SLC33A1: variants seen among roughly 807,000 people sequenced by gnomAD.
The protein encoded by SLC33A1 is acetyl-coenzyme A transporter 1.
In SLC33A1, 20 loss-of-function variants were observed where a neutral mutation model predicts 50.0. That is an observed-to-expected ratio of 0.40 (90% CI 0.28 to 0.58). SLC33A1 has a LOEUF of 0.58. Ranked by LOEUF, SLC33A1 falls within the 20% of genes least tolerant of loss-of-function variation. The probability of loss-of-function intolerance (pLI) is 0.44; values close to 1 mark genes in which losing one functional copy is unlikely to be tolerated. For synonymous variants in SLC33A1, 265 were observed against 251.8 expected (o/e 1.05, Z -0.50); for missense variants, 476 against 657.0 (o/e 0.72, Z 3.01).
chr3:155,854,180 T>A lies in SLC33A1; in HGVS notation c.-183A>T, dbSNP rs1753533928. 2.0e-6 allele frequency: 1 copy of A among 498,946 alleles called. No homozygotes were observed. The highest frequency in any genetic ancestry group is 3.5e-6 in the Non-Finnish European group (1 of 287,316). The allele number at this position is 498,946 out of a possible 1,614,324, so 30.9% of individuals were successfully genotyped here. A position where few individuals can be genotyped will look rare whatever the true frequency, so the allele number is the denominator to read the frequency against. ...CCGGAGTGCTGAAGCCGGGAGCCAG[T>A]CCTCTGGCTAGAGGCCCAGAGGATG... On this transcript the variant is annotated 5_prime_UTR_variant, in exon 1 of 6. Transcript: ENST00000643144.
chr3:155,853,193 C>T, intron 1 of SLC33A1, 30 bp downstream of exon 1: 3 of 1,586,786 alleles, frequency 1.9e-6, no homozygotes, highest in Non-Finnish European at 2.6e-6. Context: ...GATAAATAAA[C>T]CTAACACCAT....
chr3:155,844,457 ATTTTTTTTTT>A (rs869180951), intron 1 of SLC33A1, among the ~76,000 whole-genome samples: 31 of 33,560 alleles, frequency 9.2e-4, no homozygotes, highest in African/African-American at 2.2e-3. Context: ...ATATATATAT[ATTTTTTTTTT>A]TTTTTTTTTT....
chr3:155,841,498 C>A (rs1022931264), intron 2 of SLC33A1, among the ~76,000 whole-genome samples: 5 of 152,060 alleles, frequency 3.3e-5, no homozygotes, highest in Admixed American at 6.6e-5. Flanking sequence ...TATAAGATTG[C>A]AGATTTCAGA....
intron 4 of SLC33A1, among the ~76,000 whole-genome samples, chr3:155,833,109 C>T (rs1752510545): frequency 6.6e-6 from 1 of 151,720 alleles, no homozygotes; most frequent in Non-Finnish European, 1.5e-5. Context: ...ATTAGCCAGG[C>T]GTGGTGGCAC....
chr3:155,849,600 A>AGG (rs753552700), intron 1 of SLC33A1, among the ~76,000 whole-genome samples: 10 of 150,076 alleles, frequency 6.7e-5, no homozygotes, highest in African/African-American at 2.0e-4. Context: ...AAAAAAAAAA[A>AGG]GGGGCAATTC....
rs559315858 is a variant in SLC33A1, at chr3:155,825,774, G to A, written c.*2436C>T. 3 of 152,218 alleles carry A rather than the reference G, an allele frequency of 2.0e-5. No homozygotes were observed. Among genetic ancestry groups the A allele is most frequent in the African/African-American group, 4.8e-5 (2 of 41,542 alleles). The allele number at this position is 152,218 out of a possible 1,614,324, so 9.4% of individuals were successfully genotyped here. A position where few individuals can be genotyped will look rare whatever the true frequency, so the allele number is the denominator to read the frequency against. On this transcript the variant is annotated 3_prime_UTR_variant, in exon 6 of 6. Transcript: ENST00000643144. Reference sequence around the variant, plus strand: ...TTAAAAGTCCATACTTGAAGGTACTGTTTAATTTATCAGGATCAATCAATC... The same window carrying A: ...TTAAAAGTCCATACTTGAAGGTACTATTTAATTTATCAGGATCAATCAATC...
At chr3:155,832,439 C>A (rs1752477621) in intron 4 of SLC33A1, among the ~76,000 whole-genome samples, 1 of 152,046 alleles carries the variant, frequency 6.6e-6, no homozygotes, top group South Asian at 2.1e-4. Flanking sequence ...GGGATTCCTT[C>A]TTTTAAGGAT....
intron 1 of SLC33A1, among the ~76,000 whole-genome samples, chr3:155,846,950 G>GCCTA: frequency 6.6e-6 from 1 of 151,590 alleles, no homozygotes; most frequent in African/African-American, 2.4e-5. Flanking sequence ...GCTCATGCCT[G>GCCTA]TAATCCCAGC....
intron 4 of SLC33A1, among the ~76,000 whole-genome samples, chr3:155,832,883 C>T (rs1752502469): frequency 6.6e-6 from 1 of 151,806 alleles, no homozygotes; most frequent in South Asian, 2.1e-4. Flanking sequence ...GTAGAATTTG[C>T]TGGCTTTGGA....
chr3:155,829,857 T>C lies in SLC33A1; in HGVS notation c.1313A>G (p.Lys438Arg). ...TCCTCCAATAAGTGGATCACTAACC[T>C]TTGCATTGAAAGCCATTATAGAAAC... ...MYVSIMAFNA[K>R]VSDPLIGGTY... Residue 438 changes from lysine to arginine, a missense_variant, in exon 5 of 6, where the codon AAG becomes AGG. Coordinates refer to ENST00000643144, the MANE Select transcript of SLC33A1 (RefSeq NM_004733.4). 6.2e-7 allele frequency: 1 copy of C among 1,613,812 alleles called. No homozygotes were observed. The highest frequency in any genetic ancestry group is 8.5e-7 in the Non-Finnish European group (1 of 1,179,756).
At chr3:155,834,158 T>A in intron 2 of SLC33A1, 117 bp from the exon 3 acceptor site, 1 of 742,360 alleles carries the variant, frequency 1.3e-6, no homozygotes, top group Non-Finnish European at 2.3e-6. Context: ...CAGTTACAAG[T>A]GAGCATCATA....
At chr3:155,838,592 A>C (rs1752797667) in intron 2 of SLC33A1, among the ~76,000 whole-genome samples, 1 of 150,564 alleles carries the variant, frequency 6.6e-6, no homozygotes, top group Non-Finnish European at 1.5e-5. Flanking sequence ...GAGGCAGGAG[A>C]ATTGCTTGAA....
chr3:155,840,086 T>A (rs1053889069), intron 2 of SLC33A1, among the ~76,000 whole-genome samples: 149 of 152,028 alleles, frequency 9.8e-4, no homozygotes, highest in African/African-American at 3.5e-3. Context: ...TTTTTTTTAA[T>A]TAATTTATTT....
At chr3:155,840,730 C>G (rs1752899136) in intron 2 of SLC33A1, among the ~76,000 whole-genome samples, 1 of 152,092 alleles carries the variant, frequency 6.6e-6, no homozygotes, top group Non-Finnish European at 1.5e-5. Context: ...AGGAGAACCG[C>G]TTGAACCCGG....
intron 3 of SLC33A1, 78 bp downstream of exon 3, chr3:155,833,779 C>T (rs977014478): frequency 3.8e-5 from 43 of 1,145,662 alleles, no homozygotes; most frequent in African/African-American, 6.1e-5. Context: ...TATAATTCTA[C>T]GCTCAGATAT....
rs1363392147 is a variant in SLC33A1 at position 155,853,752 on chromosome 3, G to T, written c.246C>A (p.Tyr82Ter). ...AGCCCAGGGGAATACCCTGAAGCAC[G>T]TAAAGAAAGAGTAGTAGCAAAATGC... is the stretch of plus-strand genomic sequence containing the variant. ...LSSILLLLFLYVLQGIPLGLA... is the reference protein window; with the variant it reads ...LSSILLLLFL Residue 82 changes from tyrosine (Y) to a stop codon, truncating the protein, a stop_gained, in exon 1 of 6, where the codon TAC becomes TAA. Coordinates refer to ENST00000643144, the MANE Select transcript of SLC33A1 (RefSeq NM_004733.4). LOFTEE classifies it high-confidence loss of function. 6.2e-7 allele frequency: 1 copy of T among 1,614,044 alleles called. No individual in the cohort carries two copies. The highest frequency in any genetic ancestry group is 1.7e-5 in the Admixed American group (1 of 60,026).
At chr3:155,832,748 A>AG (rs1752498151) in intron 4 of SLC33A1, among the ~76,000 whole-genome samples, 5 of 145,842 alleles carry the variant, frequency 3.4e-5, no homozygotes, top group African/African-American at 1.1e-4. Context: ...AAAAAAAAAA[A>AG]GCAGAAGCTA....
chr3:155,826,737 A>G lies in SLC33A1; in HGVS notation c.*1473T>C, dbSNP rs1344166504. Reference sequence around the variant, plus strand: ...CATGAGTTCTAGAGGTCACTGCCCCATCTTTCTTCAGGTGCTGTGTGCCAT... The same window carrying G: ...CATGAGTTCTAGAGGTCACTGCCCCGTCTTTCTTCAGGTGCTGTGTGCCAT... On this transcript the variant is annotated 3_prime_UTR_variant, in exon 6 of 6. Transcript: ENST00000643144. 1 of 152,098 alleles carries G rather than the reference A, an allele frequency of 6.6e-6. No homozygotes were observed. The highest frequency in any genetic ancestry group is 1.5e-5 in the Non-Finnish European group (1 of 68,004). The allele number at this position is 152,098 out of a possible 1,614,324, so 9.4% of individuals were successfully genotyped here. A position where few individuals can be genotyped will look rare whatever the true frequency, so the allele number is the denominator to read the frequency against.
In SLC33A1 at chr3:155,823,615, A is replaced by T. The variant is rs1231893259; in HGVS notation, c.*4595T>A. 6.6e-6 allele frequency: 1 copy of T among 152,466 alleles called. No individual in the cohort carries two copies. The highest frequency in any genetic ancestry group is 2.4e-5 in the African/African-American group (1 of 41,368). The allele number at this position is 152,466 out of a possible 1,614,324, so 9.4% of individuals were successfully genotyped here. Reference sequence around the variant, plus strand: ...AACCCGGGAGGCGGAGGTTGCAGTGAGCAGCTTGGGCAACAGAGCCAGACT... The same window carrying T: ...AACCCGGGAGGCGGAGGTTGCAGTGTGCAGCTTGGGCAACAGAGCCAGACT... On this transcript the variant is annotated 3_prime_UTR_variant, in exon 6 of 6. Transcript: ENST00000643144.
Sources: gnomAD v4.1 joint callset for allele counts (sites outside exome capture counted in the v4.1 genomes callset) on GRCh38, gnomAD v4.1.1 for gene constraint, MANE v1.5 for transcripts, NCBI Gene and HGNC (gene_info 2026-07-23, HGNC 2026-07-21) for gene names.